The following GART variants were observed in gnomAD, a reference collection of about 807,000 sequenced individuals.
GART encodes the protein trifunctional purine biosynthetic protein adenosine-3.
GART carries 43 observed loss-of-function variants against 107.2 expected under a neutral mutation model. The ratio of observed to expected loss-of-function variants is 0.40; its 90% confidence interval spans 0.31 to 0.52. The LOEUF (loss-of-function observed/expected upper bound fraction) is 0.52. Ranked by LOEUF, GART falls within the 20% of genes least tolerant of loss-of-function variation. The pLI is 0.52. For synonymous variants in GART, 434 were observed against 427.0 expected, an observed-to-expected ratio of 1.02 and a Z score of -0.20; for missense variants, 1,107 against 1,206.5, an observed-to-expected ratio of 0.92 and a Z score of 1.22.
Position 33,509,140 on chromosome 21 carries a change from G to C in GART, c.2452+643C>G, listed in dbSNP as rs192135158. On this transcript the variant is annotated intron_variant, in intron 18 of 21. Transcript: ENST00000381815. The stretch of plus-strand genomic sequence containing the variant: ...TGCATGCCTGCAGTCCCAGCTACTC[G>C]GGGGGCTAATAAGGCGGAAGGATTG... The C allele has an allele frequency of 4.6e-5, 7 of 152,310 alleles. No homozygotes were observed. The East Asian group carries it at 1.3e-3, about 29-fold the overall frequency. 9.4% of individuals were successfully genotyped at this position (152,310 alleles called of 1,614,324 possible). A position where few individuals can be genotyped will look rare whatever the true frequency, so the allele number is the denominator to read the frequency against.
At chr21:33,512,991 C>T (rs771093187) in intron 16 of GART, among the ~76,000 whole-genome samples, 29 of 151,920 alleles carry the variant, frequency 1.9e-4, no homozygotes, top group South Asian at 6.2e-4. Flanking sequence ...TCTCGACTCA[C>T]TGCAACCTCC....
At chr21:33,518,606 G>T in intron 14 of GART, 2 of 314,226 alleles carry the variant, frequency 6.4e-6, no homozygotes, top group Non-Finnish European at 6.2e-6. Flanking sequence ...ATTTCAGAAA[G>T]CAGTCATAAT....
chr21:33,516,261 A>G (rs1217635001), intron 16 of GART, among the ~76,000 whole-genome samples: 1 of 151,590 alleles, frequency 6.6e-6, no homozygotes, highest in African/African-American at 2.4e-5. Context: ...AAAAAAAAAA[A>G]AAAAAAAGAA....
chr21:33,539,455 G>A (rs1445042178), intron 1 of GART, 99 bp from the exon 2 acceptor site: 10 of 783,532 alleles, frequency 1.3e-5, no homozygotes, highest in South Asian at 2.0e-5. Context: ...CATTTTGGGA[G>A]GCCGAGGCAG....
At chr21:33,533,886 C>G (rs998202032) in intron 4 of GART, among the ~76,000 whole-genome samples, 4 of 151,186 alleles carry the variant, frequency 2.6e-5, no homozygotes, top group East Asian at 2.0e-4. Context: ...GCCTGGGTGA[C>G]AGAGAGAGGC....
Position 33,517,029 on chromosome 21 carries a change from G to A in GART, c.2067C>T (p.Asn689=). The stretch of plus-strand genomic sequence containing the variant: ...GTTTCTCAGGGAGGACTCTGGGGAT[G>A]TTCTCTAGTAATCCTCCACCAGTAA... ...AHITGGGLLE[N]IPRVLPEKLG... The change falls in exon 16 of 22, where the codon AAC becomes AAT. Residue 689 remains asparagine (N), a synonymous_variant. Coordinates refer to ENST00000381815, the MANE Select transcript of GART (RefSeq NM_000819.5). 6.2e-7 allele frequency: 1 copy of A among 1,613,506 alleles called. No homozygotes were observed. The highest frequency in any genetic ancestry group is 8.5e-7 in the Non-Finnish European group (1 of 1,179,818).
rs958875757 is a variant in GART at position 33,520,283 on chromosome 21, T to C, written c.1702+81A>G. 25 of 1,189,930 alleles carry C rather than the reference T, an allele frequency of 2.1e-5. No homozygotes were observed. The East Asian group carries it at 2.8e-4, about 13-fold the overall frequency. 73.7% of individuals were successfully genotyped at this position (1,189,930 alleles called of 1,614,324 possible). Reference sequence around the variant, plus strand: ...TATACAGTCTCTCTTGCTAGCTACATTGGCACTGATCACATTTTTACATAG... The same window carrying C: ...TATACAGTCTCTCTTGCTAGCTACACTGGCACTGATCACATTTTTACATAG... On this transcript the variant is annotated intron_variant, in intron 14 of 21. Transcript: ENST00000381815.
Position 33,520,894 on chromosome 21 carries a change from G to A in GART, c.1503+12C>T. 2 of 1,570,190 alleles carry A rather than the reference G, an allele frequency of 1.3e-6. No homozygotes were observed. Among genetic ancestry groups the A allele is most frequent in the Non-Finnish European group, 1.7e-6 (2 of 1,151,366 alleles). On this transcript the variant is annotated intron_variant, in intron 13 of 21. Transcript: ENST00000381815. ...TCCTAAAAGGCCTTTATTCACAAAG[G>A]TGTCTGATTACCTTTAGTTTAGTTC...
rs554124306 is a variant in GART at position 33,535,745 on chromosome 21, C to A, written c.146-425G>T. Among the ~76,000 whole-genome samples, 13 of 152,242 alleles carry A rather than the reference C, an allele frequency of 8.5e-5. 1 individual carries two copies. In the South Asian group the frequency reaches 2.7e-3, roughly 32 times the overall value. On this transcript the variant is annotated intron_variant, in intron 2 of 21. Transcript: ENST00000381815. ...CAGCACTGGTATTAAGATGTCAACA[C>A]GGCGGGGCGCGGTGGCTCACGCCTG... is the stretch of plus-strand genomic sequence containing the variant.
intron 4 of GART, among the ~76,000 whole-genome samples, chr21:33,533,331 C>A (rs983443690): frequency 1.3e-5 from 2 of 150,856 alleles, no homozygotes; most frequent in African/African-American, 4.9e-5. Flanking sequence ...CCCAGCTACT[C>A]GGGAGGCTGA....
chr21:33,506,191 A>G, intron 18 of GART, 87 bp from the exon 19 acceptor site: 2 of 1,458,782 alleles, frequency 1.4e-6, no homozygotes. Flanking sequence ...CGCCCAGGCT[A>G]GGAGTGCAGT....
Position 33,504,520 on chromosome 21 carries a change from C to T in GART, c.2733G>A (p.Met911Ile), listed in dbSNP as rs1468586465. Reference sequence around the variant, plus strand: ...GGAGCAAGGATGGGTGGATATTGAGCATTTTTCCTAAAAATTAAAAAAAGC... The same window carrying T: ...GGAGCAAGGATGGGTGGATATTGAGTATTTTTCCTAAAAATTAAAAAAAGC... ...GPFVQKWNGKMLNIHPSLLPS... is the reference protein window; with the variant it reads ...GPFVQKWNGKILNIHPSLLPS... The change falls in exon 21 of 22, where the codon ATG becomes ATA. Residue 911 changes from methionine to isoleucine, a missense_variant. Transcript: ENST00000381815. 2 of 1,606,930 alleles carry T rather than the reference C, an allele frequency of 1.2e-6. No homozygotes were observed. Among genetic ancestry groups the T allele is most frequent in the Non-Finnish European group, 1.7e-6 (2 of 1,174,966 alleles).
rs5843612 is a variant in GART, at chr21:33,533,438, CAA to C, written c.417-984_417-983del. Among the ~76,000 whole-genome samples the C allele has an allele frequency of 1.3e-3, 162 of 128,682 alleles. 1 individual carries two copies. The highest frequency in any genetic ancestry group is 5.4e-3 in the East Asian group (25 of 4,602). 84.4% of individuals were successfully genotyped at this position (128,682 alleles called of 152,430 possible). ...CCGGCCTGGGTGAAAGAACGAGACT[CAA>C]AAAAAAAAAAATAAATAAATAAATA... On this transcript the variant is annotated intron_variant, in intron 4 of 21. Coordinates refer to ENST00000381815, the MANE Select transcript of GART (RefSeq NM_000819.5).
chr21:33,533,273 T>A (rs976743847), intron 4 of GART, among the ~76,000 whole-genome samples: 6 of 150,768 alleles, frequency 4.0e-5, no homozygotes, highest in South Asian at 2.1e-4. Flanking sequence ...CCCCGTCTCT[T>A]CTAAAAATAC....
intron 14 of GART, 143 bp from the exon 15 acceptor site, chr21:33,517,751 C>T (rs1373095864): frequency 1.8e-5 from 15 of 831,800 alleles, no homozygotes; most frequent in Non-Finnish European, 2.4e-5. Flanking sequence ...TACCAGCTGT[C>T]TAACAGAACT....
chr21:33,539,756 A>G (rs2145773357), intron 1 of GART, among the ~76,000 whole-genome samples: 1 of 152,304 alleles, frequency 6.6e-6, no homozygotes, highest in East Asian at 1.9e-4. Flanking sequence ...CATACAAATG[A>G]CATTTTCATC....
chr21:33,525,039 A>C lies in GART; in HGVS notation c.1067-39T>G, dbSNP rs200022372. 1.0e-4 allele frequency: 166 copies of C among 1,593,226 alleles called. 2 individuals carry two copies. The East Asian group carries it at 3.5e-3, about 34-fold the overall frequency. ...TATTTGACATATGATTTCAAATAGC[A>C]ACAGTATTTCACACCGTGAAGTGAT... is the stretch of plus-strand genomic sequence containing the variant. On this transcript the variant is annotated intron_variant, in intron 10 of 21. Transcript: ENST00000381815.
At position 33,539,306 on chromosome 21, in the gene GART, G is replaced by A. The variant is rs200670165; in HGVS notation, c.10C>T (p.Arg4Ter). The A allele has an allele frequency of 2.5e-6, 4 of 1,611,944 alleles. No homozygotes were observed. The highest frequency in any genetic ancestry group is 3.4e-6 in the Non-Finnish European group (4 of 1,179,334). Residue 4 changes from arginine to a stop codon, truncating the protein, a stop_gained, in exon 2 of 22, where the codon CGA becomes TGA. Coordinates refer to ENST00000381815, the MANE Select transcript of GART (RefSeq NM_000819.5). LOFTEE classifies it high-confidence loss of function. MAA[R>*]VLIIGSGGRE... Reference sequence around the variant, plus strand: ...CCTCCACTGCCAATTATAAGTACTCGGGCTGCCATTGTTCTGTCTGTAAAG... The same window carrying A: ...CCTCCACTGCCAATTATAAGTACTCAGGCTGCCATTGTTCTGTCTGTAAAG...
chr21:33,528,560 C>T lies in GART; in HGVS notation c.856G>A (p.Val286Ile). 1 of 1,605,486 alleles carries T rather than the reference C, an allele frequency of 6.2e-7. No homozygotes were observed. The highest frequency in any genetic ancestry group is 8.5e-7 in the Non-Finnish European group (1 of 1,178,104). The part of the protein sequence containing the change: ...GIMLTKNGPK[V>I]LEFNCRFGDP... ...CCAAAACGGCAATTAAACTCTAGAA[C>T]TTTTGGGCCATTCTTGGTCAGCATT... Residue 286 changes from valine (V) to isoleucine (I), a missense_variant, in exon 9 of 22, where the codon GTT becomes ATT. Physicochemically the swap from Val to Ile is conservative, Grantham distance 29. Coordinates refer to ENST00000381815, the MANE Select transcript of GART (RefSeq NM_000819.5).
Sources: gnomAD v4.1 joint callset for allele counts (sites outside exome capture counted in the v4.1 genomes callset) on GRCh38, gnomAD v4.1.1 for gene constraint, MANE v1.5 for transcripts, NCBI Gene and HGNC (gene_info 2026-07-23, HGNC 2026-07-21) for gene names.